The following AUTS2 variants were observed in gnomAD, a reference collection of about 807,000 sequenced individuals.
The protein encoded by AUTS2 is activator of transcription and developmental regulator AUTS2, also known as autism susceptibility gene 2 protein.
In AUTS2, 17 loss-of-function variants were observed where a neutral mutation model predicts 112.4. That is an observed-to-expected ratio of 0.15 (90% CI 0.10 to 0.23). AUTS2 has a LOEUF of 0.23. AUTS2 is among the 10% of genes least tolerant of loss of function. AUTS2 has a pLI of 1.00. For synonymous variants in AUTS2, 751 were observed against 702.7 expected, an observed-to-expected ratio of 1.07 and a Z score of -1.09; for missense variants, 1,510 against 1,701.6, an observed-to-expected ratio of 0.89 and a Z score of 1.98.
In AUTS2 at chr7:69,886,763, TTGTGTGTGTG is replaced by T. The variant is rs3220664; in HGVS notation, c.310-12485_310-12476del. On this transcript the variant is annotated intron_variant, in intron 1 of 18. Coordinates refer to ENST00000342771, the MANE Select transcript of AUTS2 (RefSeq NM_015570.4). Reference sequence around the variant, plus strand: ...GCCTGTTAATGCAGATTTGACTTCTTTGTGTGTGTGTGTGTGTGTGTGTGTGTGTGTGTGT... The same window carrying T: ...GCCTGTTAATGCAGATTTGACTTCTTTGTGTGTGTGTGTGTGTGTGTGTGT... Among the ~76,000 whole-genome samples the T allele has an allele frequency of 3.7e-3, 482 of 129,862 alleles. 2 individuals are homozygous for T. The highest frequency in any genetic ancestry group is 8.0e-3 in the African/African-American group (274 of 34,250). The allele number at this position is 129,862 out of a possible 152,430, so 85.2% of individuals were successfully genotyped here.
chr7:69,869,553 C>T (rs1248139719), intron 1 of AUTS2, among the ~76,000 whole-genome samples: 1 of 151,966 alleles, frequency 6.6e-6, no homozygotes. Flanking sequence ...TACACACACA[C>T]ACTCATGTAC....
chr7:70,397,602 AAAAT>A (rs1459041474), intron 4 of AUTS2, among the ~76,000 whole-genome samples: 2 of 151,938 alleles, frequency 1.3e-5, no homozygotes, highest in South Asian at 2.1e-4. Context: ...ATCTAAAATA[AAAAT>A]AAATATATTC....
chr7:70,631,267 G>A lies in AUTS2; in HGVS notation c.691-67302G>A, dbSNP rs544050263. On this transcript the variant is annotated intron_variant, in intron 5 of 18. Coordinates refer to ENST00000342771, the MANE Select transcript of AUTS2 (RefSeq NM_015570.4). The surrounding 1 kb of genome is among the most constrained non-coding windows in gnomAD (Gnocchi z 4.5). ...CAGTGTGAGTTAATACTTTACAGCA[G>A]GGCTGGGGCCCGGCTTGCTGCGGGC... is the stretch of plus-strand genomic sequence containing the variant. 6.6e-6 allele frequency among the ~76,000 whole-genome samples: 1 copy of A among 152,308 alleles called. No individual in the cohort carries two copies. The highest frequency in any genetic ancestry group is 1.5e-5 in the Non-Finnish European group (1 of 68,024).
At chr7:69,717,716 G>C (rs1798691338) in intron 1 of AUTS2, among the ~76,000 whole-genome samples, 1 of 152,124 alleles carries the variant, frequency 6.6e-6, no homozygotes, top group Non-Finnish European at 1.5e-5. Context: ...TAATTTTCTG[G>C]AGTGTTTCCT....
intron 1 of AUTS2, among the ~76,000 whole-genome samples, chr7:69,879,204 C>T (rs985894811): frequency 6.6e-6 from 1 of 151,698 alleles, no homozygotes; most frequent in Non-Finnish European, 1.5e-5. Context: ...TGCGGTGGCA[C>T]GATCTCAGCT....
chr7:70,770,926 A>G (rs990457707), intron 10 of AUTS2, among the ~76,000 whole-genome samples: 1 of 152,226 alleles, frequency 6.6e-6, no homozygotes, highest in Non-Finnish European at 1.5e-5. Context: ...TAAAGTATAC[A>G]TCGAGTCGTT....
chr7:70,755,067 C>A (rs1789109176), intron 6 of AUTS2, among the ~76,000 whole-genome samples: 1 of 152,104 alleles, frequency 6.6e-6, no homozygotes, highest in South Asian at 2.1e-4. Context: ...TCCTTTCTGT[C>A]CAAATAATAC....
chr7:69,744,005 T>C (rs1787377353), intron 1 of AUTS2, among the ~76,000 whole-genome samples: 1 of 152,078 alleles, frequency 6.6e-6, no homozygotes, highest in South Asian at 2.1e-4. Context: ...TGTAGCTGTG[T>C]TTCTCAGGCT....
chr7:70,278,779 GA>G (rs1169466277), intron 4 of AUTS2, among the ~76,000 whole-genome samples: 2 of 152,126 alleles, frequency 1.3e-5, no homozygotes, highest in East Asian at 3.9e-4. Context: ...AAATCAGCCC[GA>G]AAGTGTTTTC....
intron 2 of AUTS2, among the ~76,000 whole-genome samples, chr7:69,907,424 G>A (rs1282805406): frequency 6.6e-6 from 1 of 152,128 alleles, no homozygotes; most frequent in Admixed American, 6.5e-5. Flanking sequence ...ACTCCCCATG[G>A]ATACTAAAAG....
intron 1 of AUTS2, among the ~76,000 whole-genome samples, chr7:69,789,202 G>C (rs1789508465): frequency 6.6e-6 from 1 of 152,094 alleles, no homozygotes; most frequent in Admixed American, 6.6e-5. Context: ...TGCTTGTGTG[G>C]ACAATTTCCA....
At chr7:69,974,989 T>C (rs1797997612) in intron 2 of AUTS2, among the ~76,000 whole-genome samples, 1 of 152,070 alleles carries the variant, frequency 6.6e-6, no homozygotes, top group Non-Finnish European at 1.5e-5. Flanking sequence ...TTTTTAAAAA[T>C]AGAACTTCCT....
At chr7:69,975,836 C>T (rs149509069) in intron 2 of AUTS2, among the ~76,000 whole-genome samples, 168 of 151,920 alleles carry the variant, frequency 1.1e-3, no homozygotes, top group African/African-American at 3.8e-3. Context: ...TACATGCGTG[C>T]GCTACCATGC....
chr7:69,786,346 C>A (rs925932025), intron 1 of AUTS2, among the ~76,000 whole-genome samples: 2 of 151,658 alleles, frequency 1.3e-5, no homozygotes, highest in African/African-American at 4.9e-5. Flanking sequence ...TCTGTAAAAA[C>A]GCACCAGTCA....
At chr7:70,406,958 A>C (rs1794561910) in intron 4 of AUTS2, among the ~76,000 whole-genome samples, 1 of 152,232 alleles carries the variant, frequency 6.6e-6, no homozygotes, top group South Asian at 2.1e-4. Flanking sequence ...ATAAGTACCC[A>C]AAACCTACTG....
chr7:70,319,064 A>G (rs1790131141), intron 4 of AUTS2, among the ~76,000 whole-genome samples: 1 of 152,242 alleles, frequency 6.6e-6, no homozygotes, highest in Non-Finnish European at 1.5e-5. Flanking sequence ...TTACCAGTTC[A>G]TTTAAGTTTT....
chr7:70,748,807 G>A (rs1212056968), intron 6 of AUTS2, among the ~76,000 whole-genome samples: 1 of 152,160 alleles, frequency 6.6e-6, no homozygotes, highest in Non-Finnish European at 1.5e-5. Context: ...AAGGCAGTTT[G>A]TTCTCCTGTG....
chr7:70,031,023 T>G (rs1362451976), intron 2 of AUTS2, among the ~76,000 whole-genome samples: 1 of 152,100 alleles, frequency 6.6e-6, no homozygotes, highest in Non-Finnish European at 1.5e-5. Context: ...TTTTACTTGT[T>G]GAAAGATTTT....
At chr7:69,917,830 T>TGTG (rs1408476001) in intron 2 of AUTS2, among the ~76,000 whole-genome samples, 1 of 150,798 alleles carries the variant, frequency 6.6e-6, no homozygotes, top group African/African-American at 2.5e-5. Context: ...CCTTTGTTGT[T>TGTG]GTTGTTGTTG....
Sources: allele counts gnomAD v4.1 joint callset (sites outside exome capture counted in the v4.1 genomes callset), GRCh38; gene constraint gnomAD v4.1.1; non-coding constraint Gnocchi (gnomAD v3.1); transcripts MANE v1.5; gene names NCBI Gene and HGNC (gene_info 2026-07-23, HGNC 2026-07-21).